Variants in GPC6 observed in about 807,000 individuals in gnomAD.
The protein encoded by GPC6 is glypican 6, also known as glypican-6.
Under a neutral mutation model 55.2 loss-of-function variants are expected in GPC6, and 14 were observed. The observed-to-expected ratio is 0.25, with a 90% CI of 0.17 to 0.40. GPC6 has a LOEUF of 0.40. Ranked by LOEUF, GPC6 falls within the 10% of genes least tolerant of loss-of-function variation. The pLI is 1.00. For synonymous variants in GPC6, 278 were observed against 259.6 expected (o/e 1.07, Z -0.68); for missense variants, 641 against 708.5 (o/e 0.90, Z 1.08).
At position 94,263,883 on chromosome 13, in the gene GPC6, G is replaced by A. The variant is rs549939289; in HGVS notation, c.878-22466G>A. On this transcript the variant is annotated intron_variant, in intron 4 of 8. Coordinates refer to ENST00000377047, the MANE Select transcript of GPC6 (RefSeq NM_005708.5). ...GCTTTTATTGTAATAAAAGACACAG[G>A]TGGAAGATGAATAGTCAACGCCATT... is the stretch of plus-strand genomic sequence containing the variant. Among the ~76,000 whole-genome samples, 4 of 152,274 alleles carry A rather than the reference G, an allele frequency of 2.6e-5. 1 individual carries two copies. The highest frequency in any genetic ancestry group is 7.2e-5 in the African/African-American group (3 of 41,560).
At chr13:93,219,266 G>A in the GPC6 span, among the ~76,000 whole-genome samples, 1 of 151,930 alleles carries the variant, frequency 6.6e-6, no homozygotes, top group African/African-American at 2.4e-5. Flanking sequence ...GCTAATTTTT[G>A]TATTTTTAGT....
chr13:93,883,800 A>T (rs975541912), intron 3 of GPC6, among the ~76,000 whole-genome samples: 2 of 152,130 alleles, frequency 1.3e-5, no homozygotes, highest in Non-Finnish European at 1.5e-5. Flanking sequence ...TAAATAATAT[A>T]ACTTGGCTCT....
At chr13:94,105,889 C>G (rs923745598) in intron 4 of GPC6, among the ~76,000 whole-genome samples, 1 of 152,084 alleles carries the variant, frequency 6.6e-6, no homozygotes, top group Non-Finnish European at 1.5e-5. Flanking sequence ...GCCAGGGATG[C>G]TGCTAAGCAT....
intron 4 of GPC6, among the ~76,000 whole-genome samples, chr13:94,042,743 G>A (rs1339582313): frequency 1.3e-5 from 2 of 151,798 alleles, no homozygotes; most frequent in Non-Finnish European, 2.9e-5. Flanking sequence ...CTAATATCCT[G>A]TTTCTCCTCA....
chr13:94,135,330 T>C (rs1480225684), intron 4 of GPC6, among the ~76,000 whole-genome samples: 2 of 152,156 alleles, frequency 1.3e-5, no homozygotes, highest in Admixed American at 1.3e-4. Flanking sequence ...TGATTAAATA[T>C]GTGCATTTGA....
chr13:93,744,948 A>C (rs1884349539), intron 2 of GPC6, among the ~76,000 whole-genome samples: 3 of 151,318 alleles, frequency 2.0e-5, no homozygotes, highest in South Asian at 4.2e-4. Context: ...AAAAAAAAAA[A>C]GTATATATAT....
At chr13:94,098,059 C>T (rs1885729312) in intron 4 of GPC6, among the ~76,000 whole-genome samples, 1 of 152,140 alleles carries the variant, frequency 6.6e-6, no homozygotes, top group African/African-American at 2.4e-5. Context: ...GATGAGAGCT[C>T]ATGGTCCAAG....
intron 1 of GPC6, chr13:93,450,629 T>G (rs1361104781): frequency 2.8e-6 from 1 of 355,138 alleles, no homozygotes; most frequent in Non-Finnish European, 3.9e-6. Flanking sequence ...ATATAATAGC[T>G]CCCTCAACTT....
At chr13:93,460,885 T>C (rs995690353) in intron 1 of GPC6, among the ~76,000 whole-genome samples, 1 of 152,200 alleles carries the variant, frequency 6.6e-6, no homozygotes, top group Non-Finnish European at 1.5e-5. Flanking sequence ...ATATGTATCT[T>C]GCACACCAAT....
At position 94,085,259 on chromosome 13, in the gene GPC6, T is replaced by C. The variant is rs1353125099; in HGVS notation, c.877+57365T>C. Among the ~76,000 whole-genome samples, 19 of 135,622 alleles carry C rather than the reference T, an allele frequency of 1.4e-4. 1 individual carries two copies. The highest frequency in any genetic ancestry group is 2.3e-4 in the Non-Finnish European group (15 of 65,706). The allele number at this position is 135,622 out of a possible 152,430, so 89.0% of individuals were successfully genotyped here. On this transcript the variant is annotated intron_variant, in intron 4 of 8. Transcript: ENST00000377047. ...GTTCCTTGAACCCAGGAGGCGGAGG[T>C]TGCAGTGAGCCGAGATCACGCCACT...
At chr13:94,092,762 T>G (rs1885535988) in intron 4 of GPC6, among the ~76,000 whole-genome samples, 1 of 152,180 alleles carries the variant, frequency 6.6e-6, no homozygotes, top group Non-Finnish European at 1.5e-5. Flanking sequence ...GTAGAAGAGT[T>G]TCCTTTTCTC....
In GPC6 at chr13:94,294,680, A is replaced by G. The variant is rs572450209; in HGVS notation, c.1008+8201A>G. 2.0e-5 allele frequency among the ~76,000 whole-genome samples: 3 copies of G among 152,096 alleles called. No homozygotes were observed. The South Asian group carries it at 6.2e-4, about 32-fold the overall frequency. The stretch of plus-strand genomic sequence containing the variant: ...TTTCCTTTCAAAATGTTCGGGGAAA[A>G]TAATATCTTGGAAATTCAGATGGAG... On this transcript the variant is annotated intron_variant, in intron 5 of 8. Coordinates refer to ENST00000377047, the MANE Select transcript of GPC6 (RefSeq NM_005708.5).
intron 6 of GPC6, among the ~76,000 whole-genome samples, chr13:94,312,151 C>G (rs2139119074): frequency 6.6e-6 from 1 of 152,302 alleles, no homozygotes; most frequent in South Asian, 2.1e-4. Flanking sequence ...ATAACCTTAT[C>G]TAGGCCAAAA....
At chr13:93,978,791 G>A (rs1177027071) in intron 3 of GPC6, among the ~76,000 whole-genome samples, 1 of 151,988 alleles carries the variant, frequency 6.6e-6, no homozygotes, top group African/African-American at 2.4e-5. Context: ...TATTTAAAAT[G>A]CAGCTGAAAT....
chr13:93,909,364 C>T (rs560448400), intron 3 of GPC6, among the ~76,000 whole-genome samples: 28 of 151,884 alleles, frequency 1.8e-4, no homozygotes, highest in Admixed American at 1.7e-3. Context: ...TACATAAACT[C>T]GTTAAGTGAA....
chr13:93,720,890 T>C (rs2138822600), intron 2 of GPC6, among the ~76,000 whole-genome samples: 1 of 152,186 alleles, frequency 6.6e-6, no homozygotes, highest in Admixed American at 6.6e-5. Flanking sequence ...GTGAGTTTCT[T>C]AATCCTGAGT....
intron 2 of GPC6, among the ~76,000 whole-genome samples, chr13:93,723,747 T>A (rs1428582976): frequency 6.6e-6 from 1 of 151,982 alleles, no homozygotes. Flanking sequence ...GATTTCACAA[T>A]TTTTTTGAGT....
At chr13:93,664,758 C>T (rs1594353979) in intron 2 of GPC6, among the ~76,000 whole-genome samples, 1 of 152,136 alleles carries the variant, frequency 6.6e-6, no homozygotes, top group Admixed American at 6.5e-5. Context: ...GCTGGGATTA[C>T]AGGCATGCGC....
chr13:93,742,878 T>C (rs868492833), intron 2 of GPC6, among the ~76,000 whole-genome samples: 1 of 152,130 alleles, frequency 6.6e-6, no homozygotes, highest in African/African-American at 2.4e-5. Context: ...CCGTCTGCAG[T>C]ACTTGTGTAC....
Sources: gnomAD v4.1 joint callset for allele counts (sites outside exome capture counted in the v4.1 genomes callset) on GRCh38, gnomAD v4.1.1 for gene constraint, MANE v1.5 for transcripts, NCBI Gene and HGNC (gene_info 2026-07-23, HGNC 2026-07-21) for gene names.